Variants in LGMN observed in about 807,000 individuals in gnomAD.
LGMN encodes the protein asparaginyl endopeptidase.
In LGMN, 36 loss-of-function variants were observed where a neutral mutation model predicts 56.8. The ratio of observed to expected loss-of-function variants is 0.63; its 90% confidence interval spans 0.49 to 0.84. The LOEUF is 0.84. Among genes scored for constraint, LGMN ranks in the 40% least tolerant of loss-of-function variants. LGMN has a pLI of 0.00. For missense variants in LGMN, 446 were observed against 556.1 expected, an observed-to-expected ratio of 0.80 and a Z score of 1.99; for synonymous variants, 199 against 210.1, an observed-to-expected ratio of 0.95 and a Z score of 0.46.
intron 8 of LGMN, 187 bp downstream of exon 8, chr14:92,712,618 T>C: frequency 1.7e-6 from 1 of 602,724 alleles, no homozygotes; most frequent in Non-Finnish European, 3.0e-6. Flanking sequence ...TACAGATTCT[T>C]TATTCCCTGA....
At chr14:92,747,057 T>A (rs955124818) in intron 1 of LGMN, among the ~76,000 whole-genome samples, 129 of 117,552 alleles carry the variant, frequency 1.1e-3, no homozygotes, top group African/African-American at 3.9e-3. Flanking sequence ...AAAAAAAAAA[T>A]CTACCACCCA....
In LGMN at chr14:92,711,932, G is replaced by T; in HGVS notation, c.634C>A (p.Pro212Thr). The T allele has an allele frequency of 1.2e-6, 2 of 1,613,878 alleles. No individual in the cohort carries two copies. The highest frequency in any genetic ancestry group is 1.7e-6 in the Non-Finnish European group (2 of 1,179,754). ...TAACAGGCGTAGGACGACTCTCTGG[G>T]GTTGGCAGCAGTAGTTGCATAAACT... ...INVYATTAAN[P>T]RESSYACYYD... Residue 212 changes from proline (P) to threonine (T), a missense_variant, in exon 9 of 14, where the codon CCC becomes ACC. Coordinates refer to ENST00000334869, the MANE Select transcript of LGMN (RefSeq NM_005606.7).
intron 3 of LGMN, 93 bp downstream of exon 3, chr14:92,718,654 C>A: frequency 1.3e-6 from 1 of 743,340 alleles, no homozygotes; most frequent in Non-Finnish European, 2.4e-6. Flanking sequence ...TATATTTTAA[C>A]ATTAGGCCAC....
chr14:92,743,708 T>A (rs978089468), intron 1 of LGMN, among the ~76,000 whole-genome samples: 1 of 142,456 alleles, frequency 7.0e-6, no homozygotes, highest in Non-Finnish European at 1.5e-5. Context: ...GGCTGAGACA[T>A]GAGAACTGCT....
intron 7 of LGMN, among the ~76,000 whole-genome samples, chr14:92,713,423 G>A (rs1889902745): frequency 6.6e-6 from 1 of 152,082 alleles, no homozygotes; most frequent in Admixed American, 6.6e-5. Flanking sequence ...GTGCTATAGG[G>A]GTGAGAAAGG....
At chr14:92,734,721 T>C (rs750418141) in intron 1 of LGMN, among the ~76,000 whole-genome samples, 9 of 152,132 alleles carry the variant, frequency 5.9e-5, no homozygotes, top group Non-Finnish European at 1.0e-4. Flanking sequence ...CTTAAATACA[T>C]TGTTAAAGTA....
At chr14:92,746,063 C>T (rs1363174711) in intron 1 of LGMN, among the ~76,000 whole-genome samples, 3 of 152,094 alleles carry the variant, frequency 2.0e-5, no homozygotes, top group Non-Finnish European at 4.4e-5. Context: ...CGTCATGATC[C>T]GCCCGCCTCG....
intron 1 of LGMN, among the ~76,000 whole-genome samples, chr14:92,739,870 G>C (rs1178502441): frequency 6.6e-6 from 1 of 152,196 alleles, no homozygotes; most frequent in African/African-American, 2.4e-5. Flanking sequence ...CCCCAGGGGC[G>C]CTGTTGGGAC....
At chr14:92,748,104 G>A (rs1176076592) in intron 1 of LGMN, among the ~76,000 whole-genome samples, 1 of 152,068 alleles carries the variant, frequency 6.6e-6, no homozygotes, top group African/African-American at 2.4e-5. Context: ...AACATCAAAA[G>A]TCTGAACTGT....
Position 92,718,822 on chromosome 14 carries a change from T to C in LGMN, c.161A>G (p.Gln54Arg). The change falls in exon 3 of 14, where the codon CAG becomes CGG. Residue 54 changes from glutamine (Q) to arginine (R), a missense_variant. Coordinates refer to ENST00000334869, the MANE Select transcript of LGMN (RefSeq NM_005606.7). The stretch of plus-strand genomic sequence containing the variant: ...AGGAATCCCATTGCGGTGAATGATC[T>C]GGTAGGCATGGCACGCGTCTGCCTG... ...RHQADACHAYQIIHRNGIPDE... is the reference protein window; with the variant it reads ...RHQADACHAYRIIHRNGIPDE... 3 of 1,613,328 alleles carry C rather than the reference T, an allele frequency of 1.9e-6. No homozygotes were observed. The highest frequency in any genetic ancestry group is 2.5e-6 in the Non-Finnish European group (3 of 1,179,378).
intron 2 of LGMN, chr14:92,732,325 C>G: frequency 3.6e-6 from 1 of 273,994 alleles, no homozygotes; most frequent in Non-Finnish European, 7.0e-6. Context: ...CACAAGACGG[C>G]CCCCAACAAC....
rs1890241024 is a variant in LGMN, at chr14:92,719,171, C to CCGCCAT, written c.139-328_139-327insATGGCG. 9.2e-5 allele frequency among the ~76,000 whole-genome samples: 13 copies of CCGCCAT among 140,666 alleles called. 2 individuals are homozygous for CCGCCAT. The highest frequency in any genetic ancestry group is 3.3e-4 in the African/African-American group (12 of 36,270). The allele number at this position is 140,666 out of a possible 152,430, so 92.3% of individuals were successfully genotyped here. On this transcript the variant is annotated intron_variant, in intron 2 of 13. Transcript: ENST00000334869. ...ACCACCGCCACTGCCACCACCACCA[C>CCGCCAT]CACCACCACCATCACCACCACCGCC...
intron 1 of LGMN, among the ~76,000 whole-genome samples, chr14:92,745,333 G>A (rs574978760): frequency 6.6e-6 from 1 of 152,276 alleles, no homozygotes; most frequent in South Asian, 2.1e-4. Context: ...GTTAACTCAA[G>A]TTAAATTTTT....
At chr14:92,723,466 A>G (rs1414967235) in intron 2 of LGMN, among the ~76,000 whole-genome samples, 2 of 152,234 alleles carry the variant, frequency 1.3e-5, no homozygotes, top group Non-Finnish European at 2.9e-5. Flanking sequence ...AACAACCCAA[A>G]TGTCCATCAA....
intron 1 of LGMN, among the ~76,000 whole-genome samples, chr14:92,744,836 C>G (rs146265012): frequency 6.6e-6 from 1 of 152,144 alleles, no homozygotes; most frequent in African/African-American, 2.4e-5. Context: ...TCAGGTGATC[C>G]GCCCGGCTCA....
intron 2 of LGMN, among the ~76,000 whole-genome samples, chr14:92,723,834 C>T (rs576178277): frequency 6.4e-4 from 98 of 152,130 alleles, no homozygotes; most frequent in Middle Eastern, 3.4e-3. Flanking sequence ...AGGGTCCAAG[C>T]GATTCTTGAA....
At position 92,704,111 on chromosome 14, in the gene LGMN, C is replaced by A. The variant is rs1260089105; in HGVS notation, c.*208G>T. On this transcript the variant is annotated 3_prime_UTR_variant, in exon 14 of 14. Transcript: ENST00000334869. Reference sequence around the variant, plus strand: ...CTTCTCAATACAGAGCTTTTCCCACCCTAATTTGTAGTTTTTCAGAAAAGA... The same window carrying A: ...CTTCTCAATACAGAGCTTTTCCCACACTAATTTGTAGTTTTTCAGAAAAGA... 1.4e-6 allele frequency: 1 copy of A among 715,182 alleles called. No individual in the cohort carries two copies. Among genetic ancestry groups the A allele is most frequent in the Admixed American group, 2.0e-5 (1 of 50,038 alleles). The allele number at this position is 715,182 out of a possible 1,614,324, so 44.3% of individuals were successfully genotyped here.
chr14:92,705,341 A>G (rs1023202108), intron 12 of LGMN, among the ~76,000 whole-genome samples: 1 of 152,046 alleles, frequency 6.6e-6, no homozygotes, highest in Non-Finnish European at 1.5e-5. Context: ...GTCTCTACTA[A>G]AAATACGAAA....
At chr14:92,719,289 C>CGCCGCCGCT (rs1890304774) in intron 2 of LGMN, among the ~76,000 whole-genome samples, 2 of 104,284 alleles carry the variant, frequency 1.9e-5, no homozygotes. Context: ...CCGCCGCCGC[C>CGCCGCCGCT]GCCGCCGCCG....
Sources: allele counts gnomAD v4.1 joint callset (sites outside exome capture counted in the v4.1 genomes callset), GRCh38; gene constraint gnomAD v4.1.1; transcripts MANE v1.5; gene names NCBI Gene and HGNC (gene_info 2026-07-23, HGNC 2026-07-21).